The following LPP variants were observed in gnomAD, a reference collection of about 807,000 sequenced individuals.
LPP encodes the protein LIM domain containing preferred translocation partner in lipoma.
LPP carries 38 observed loss-of-function variants against 60.4 expected under a neutral mutation model. The observed-to-expected ratio is 0.63, with a 90% confidence interval of 0.49 to 0.83. The LOEUF (loss-of-function observed/expected upper bound fraction) is 0.83, where lower values mean the gene tolerates loss of function less well. LPP is among the 40% of genes least tolerant of loss of function. The probability of loss-of-function intolerance (pLI) is 0.00; values close to 1 mark genes in which losing one functional copy is unlikely to be tolerated. For missense variants in LPP, 902 were observed against 783.6 expected (o/e 1.15, Z -1.80); for synonymous variants, 328 against 290.8 (o/e 1.13, Z -1.30).
At chr3:188,501,393 T>A (rs1023299070) in intron 5 of LPP, among the ~76,000 whole-genome samples, 13 of 152,150 alleles carry the variant, frequency 8.5e-5, no homozygotes, top group African/African-American at 2.9e-4. Flanking sequence ...GGTGGGAGGA[T>A]CACGAGGACA....
intron 9 of LPP, among the ~76,000 whole-genome samples, chr3:188,848,859 G>A (rs1233733385): frequency 4.6e-5 from 7 of 151,892 alleles, no homozygotes; most frequent in Admixed American, 2.0e-4. Context: ...CCAGCTACTC[G>A]GGAGGCTGAG....
Position 188,609,142 on chromosome 3 carries a change from T to G in LPP, c.430-19T>G. On this transcript the variant is annotated intron_variant, in intron 6 of 11. Transcript: ENST00000617246. The surrounding 1 kb of genome is among the most constrained non-coding windows in gnomAD (Gnocchi z 6.9). Reference sequence around the variant, plus strand: ...TAATTTTTGCTTTCTTTCTTTCTTTTTTTTCCTATTCTTTTTAGAGCTCCA... The same window carrying G: ...TAATTTTTGCTTTCTTTCTTTCTTTGTTTTCCTATTCTTTTTAGAGCTCCA... The G allele has an allele frequency of 6.5e-7, 1 of 1,542,458 alleles. No individual in the cohort carries two copies. Among genetic ancestry groups the G allele is most frequent in the East Asian group, 2.3e-5 (1 of 44,014 alleles).
At chr3:188,162,812 G>A in intron 1 of LPP, among the ~76,000 whole-genome samples, 1 of 152,144 alleles carries the variant, frequency 6.6e-6, no homozygotes. Flanking sequence ...GGCACACAGT[G>A]ATGACACCTT....
chr3:188,690,922 A>T (rs945473637), intron 7 of LPP, among the ~76,000 whole-genome samples: 2 of 152,138 alleles, frequency 1.3e-5, no homozygotes, highest in African/African-American at 2.4e-5. Context: ...GTAGGTAATT[A>T]TGGGTTATCT....
intron 7 of LPP, among the ~76,000 whole-genome samples, chr3:188,675,166 G>A (rs1009179556): frequency 2.6e-5 from 4 of 152,180 alleles, no homozygotes; most frequent in African/African-American, 9.6e-5. Flanking sequence ...GGAATTGAAC[G>A]ATTACATAAC....
intron 9 of LPP, among the ~76,000 whole-genome samples, chr3:188,820,484 AAT>A (rs1753680927): frequency 6.6e-6 from 1 of 152,088 alleles, no homozygotes; most frequent in Non-Finnish European, 1.5e-5. Context: ...TAAAAGGAGG[AAT>A]ACTCTTCTCA....
chr3:188,621,389 T>C lies in LPP; in HGVS notation c.1113+11545T>C, dbSNP rs1213609267. On this transcript the variant is annotated intron_variant, in intron 7 of 11. Coordinates refer to ENST00000617246, the MANE Select transcript of LPP (RefSeq NM_001375462.1). ...TTTATGTCCATGTGTGCTCAGTGTT[T>C]AGCTCCCACTCATAAGTGAGAATAT... Among the ~76,000 whole-genome samples, 3 of 152,156 alleles carry C rather than the reference T, an allele frequency of 2.0e-5. No homozygotes were observed. The East Asian group carries it at 5.8e-4, about 29-fold the overall frequency.
At chr3:188,818,093 G>A (rs910305269) in intron 9 of LPP, among the ~76,000 whole-genome samples, 6 of 152,168 alleles carry the variant, frequency 3.9e-5, no homozygotes, top group Non-Finnish European at 8.8e-5. Context: ...AGTAACGGGT[G>A]CATATCCTGT....
intron 10 of LPP, among the ~76,000 whole-genome samples, chr3:188,870,511 G>A (rs529391250): frequency 1.3e-5 from 2 of 152,158 alleles, no homozygotes; most frequent in Non-Finnish European, 2.9e-5. Context: ...CTGAGCCTTC[G>A]CTCTGTTGGC....
At chr3:188,355,574 G>A (rs563075972) in intron 3 of LPP, among the ~76,000 whole-genome samples, 24 of 152,148 alleles carry the variant, frequency 1.6e-4, no homozygotes, top group African/African-American at 4.3e-4. Context: ...AAAAGGTTTC[G>A]TGTATTATAA....
chr3:188,556,942 G>T (rs1829624008), intron 6 of LPP, among the ~76,000 whole-genome samples: 1 of 151,992 alleles, frequency 6.6e-6, no homozygotes, highest in African/African-American at 2.4e-5. Flanking sequence ...TTGTTAATCT[G>T]AGTTCCTTTT....
intron 7 of LPP, among the ~76,000 whole-genome samples, chr3:188,661,759 T>A (rs1257930945): frequency 6.6e-6 from 1 of 152,232 alleles, no homozygotes. Context: ...TTGACAAAGA[T>A]GCATTTTTGA....
At position 188,635,710 on chromosome 3, in the gene LPP, G is replaced by A. The variant is rs1367837023; in HGVS notation, c.1113+25866G>A. 3.3e-5 allele frequency among the ~76,000 whole-genome samples: 5 copies of A among 152,338 alleles called. No individual in the cohort carries two copies. The East Asian group carries it at 7.7e-4, about 23-fold the overall frequency. On this transcript the variant is annotated intron_variant, in intron 7 of 11. Coordinates refer to ENST00000617246, the MANE Select transcript of LPP (RefSeq NM_001375462.1). ...AATCAGAAGATGTCCTGGGGTGTGGGAGAATGATATGTTCTTTAGTCGAGT... is the reference window on the plus strand; with the variant it reads ...AATCAGAAGATGTCCTGGGGTGTGGAAGAATGATATGTTCTTTAGTCGAGT...
chr3:188,658,157 T>TTTAGTTTAGTTTAGTTTAG (rs1560021720), intron 7 of LPP, among the ~76,000 whole-genome samples: 3 of 152,090 alleles, frequency 2.0e-5, no homozygotes, highest in Admixed American at 6.5e-5. Flanking sequence ...TTTAGTTTAG[T>TTTAGTTTAGTTTAGTTTAG]TTTAACGACA....
intron 2 of LPP, among the ~76,000 whole-genome samples, chr3:188,333,376 C>T (rs887280948): frequency 6.6e-6 from 1 of 152,144 alleles, no homozygotes; most frequent in South Asian, 2.1e-4. Context: ...GGAAAGAGTT[C>T]CTTTACTACT....
chr3:188,448,985 G>A lies in LPP; in HGVS notation c.194-35607G>A, dbSNP rs1043276862. On this transcript the variant is annotated intron_variant, in intron 4 of 11. Transcript: ENST00000617246. The stretch of plus-strand genomic sequence containing the variant: ...ACTTTTTTCTACTTGAGGGCCTTTC[G>A]TAGTCAGAGATTATACTAAGATAGC... Among the ~76,000 whole-genome samples the A allele has an allele frequency of 7.9e-5, 12 of 152,234 alleles. No individual in the cohort carries two copies. The South Asian group carries it at 8.3e-4, about 11-fold the overall frequency.
rs556121882 is a variant in LPP, at chr3:188,661,737, TCTC to T, written c.1114-46529_1114-46527del. On this transcript the variant is annotated intron_variant, in intron 7 of 11. Transcript: ENST00000617246. ...CTTTCTCCCACTCTGTGGCTTGTCT[TCTC>T]ATAAACGCTTGACAAAGATGCATTT... 3.1e-4 allele frequency among the ~76,000 whole-genome samples: 47 copies of T among 152,362 alleles called. No individual in the cohort carries two copies. The South Asian group carries it at 7.7e-3, about 25-fold the overall frequency.
At chr3:188,540,603 G>T (rs1824900883) in intron 6 of LPP, among the ~76,000 whole-genome samples, 1 of 152,140 alleles carries the variant, frequency 6.6e-6, no homozygotes, top group South Asian at 2.1e-4. Context: ...TTGTGCCTCA[G>T]TTCTTTTATC....
At chr3:188,420,501 A>C (rs1787503971) in intron 4 of LPP, among the ~76,000 whole-genome samples, 1 of 152,226 alleles carries the variant, frequency 6.6e-6, no homozygotes, top group Admixed American at 6.6e-5. Context: ...ACACAATCTC[A>C]GAAAAATTAA....
Sources: allele counts gnomAD v4.1 joint callset (sites outside exome capture counted in the v4.1 genomes callset), GRCh38; gene constraint gnomAD v4.1.1; non-coding constraint Gnocchi (gnomAD v3.1); transcripts MANE v1.5; gene names NCBI Gene and HGNC (gene_info 2026-07-23, HGNC 2026-07-21).